Variants in CAMK1G observed in about 807,000 individuals in gnomAD.
CAMK1G encodes the protein calcium/calmodulin dependent protein kinase IG.
In CAMK1G, 27 loss-of-function variants were observed where a neutral mutation model predicts 54.8. The ratio of observed to expected loss-of-function variants is 0.49; its 90% CI spans 0.36 to 0.68. The LOEUF is 0.68. CAMK1G is among the 30% of genes least tolerant of loss of function. The pLI is 0.00. For missense variants in CAMK1G, 512 were observed against 591.0 expected, an observed-to-expected ratio of 0.87 and a Z score of 1.39; for synonymous variants, 238 against 224.9, an observed-to-expected ratio of 1.06 and a Z score of -0.52.
At chr1:209,596,665 A>T (rs1435620839) in intron 2 of CAMK1G, among the ~76,000 whole-genome samples, 3 of 17,918 alleles carry the variant, frequency 1.7e-4, no homozygotes, top group African/African-American at 9.1e-4. Context: ...CACACACCAC[A>T]CACACACACA....
chr1:209,603,038 T>A (rs1279173764), intron 3 of CAMK1G, among the ~76,000 whole-genome samples, 176 bp from the exon 4 acceptor site: 1 of 152,232 alleles, frequency 6.6e-6, no homozygotes, highest in Non-Finnish European at 1.5e-5. Flanking sequence ...TCCACAGGAA[T>A]CTTTTCTCTG....
At chr1:209,589,104 C>T (rs1665181931) in intron 1 of CAMK1G, among the ~76,000 whole-genome samples, 1 of 152,188 alleles carries the variant, frequency 6.6e-6, no homozygotes, top group Non-Finnish European at 1.5e-5. Context: ...TGTGGAGTTA[C>T]TTCCTATAGA....
intron 1 of CAMK1G, among the ~76,000 whole-genome samples, chr1:209,593,688 A>C (rs763313636): frequency 5.6e-5 from 6 of 107,024 alleles, no homozygotes; most frequent in Non-Finnish European, 1.2e-4. Context: ...GACTCCCAGA[A>C]TACATCCCAG....
chr1:209,601,154 G>A (rs1203235682), intron 3 of CAMK1G, among the ~76,000 whole-genome samples: 1 of 152,190 alleles, frequency 6.6e-6, no homozygotes, highest in African/African-American at 2.4e-5. Flanking sequence ...CACAGTGGAG[G>A]ATGGATTGGA....
intron 1 of CAMK1G, among the ~76,000 whole-genome samples, chr1:209,589,119 A>T (rs1029537824): frequency 7.9e-5 from 12 of 152,334 alleles, no homozygotes; most frequent in African/African-American, 2.9e-4. Flanking sequence ...TATAGAGGAG[A>T]TCAACCTCAA....
At chr1:209,590,891 T>C (rs1158804914) in intron 1 of CAMK1G, among the ~76,000 whole-genome samples, 2 of 152,154 alleles carry the variant, frequency 1.3e-5, no homozygotes, top group Non-Finnish European at 1.5e-5. Context: ...GTCAGCTAAA[T>C]GAGGCTCTTT....
intron 1 of CAMK1G, among the ~76,000 whole-genome samples, chr1:209,594,433 G>A (rs953121469): frequency 1.3e-5 from 2 of 152,206 alleles, no homozygotes; most frequent in Non-Finnish European, 1.5e-5. Context: ...TTAGATTTTC[G>A]TGAATAACTA....
intron 1 of CAMK1G, among the ~76,000 whole-genome samples, chr1:209,593,241 A>G (rs116008639): frequency 6.6e-6 from 1 of 152,368 alleles, no homozygotes; most frequent in East Asian, 1.9e-4. Flanking sequence ...ATTGTAGAGG[A>G]ACAAACTTTC....
At chr1:209,597,919 G>A (rs9430002) in intron 2 of CAMK1G, among the ~76,000 whole-genome samples, 41,208 of 152,040 alleles carry the variant, frequency 0.27, 6,343 homozygotes, top group Non-Finnish European at 0.34. Context: ...AACACTTATG[G>A]TCTTAATAGA....
intron 2 of CAMK1G, among the ~76,000 whole-genome samples, chr1:209,599,518 C>T (rs1665474854): frequency 6.6e-6 from 1 of 152,186 alleles, no homozygotes; most frequent in Non-Finnish European, 1.5e-5. Flanking sequence ...TGTGGACAGA[C>T]ATCATGAACC....
intron 2 of CAMK1G, among the ~76,000 whole-genome samples, chr1:209,599,712 A>G (rs1046411928): frequency 1.3e-5 from 2 of 152,186 alleles, no homozygotes; most frequent in Non-Finnish European, 2.9e-5. Context: ...CCCCTCCAGT[A>G]CAGGTTCCAG....
chr1:209,611,619 T>A, intron 10 of CAMK1G, 67 bp downstream of exon 10: 1 of 1,517,964 alleles, frequency 6.6e-7, no homozygotes, highest in South Asian at 1.1e-5. Context: ...TGGCAGGGGC[T>A]GACATAAGGG....
At chr1:209,597,677 T>C (rs1665423941) in intron 2 of CAMK1G, among the ~76,000 whole-genome samples, 2 of 152,196 alleles carry the variant, frequency 1.3e-5, no homozygotes, top group Non-Finnish European at 2.9e-5. Flanking sequence ...CAGTTCCAAG[T>C]GCAGCTGGGA....
chr1:209,600,355 G>A (rs566400475), intron 3 of CAMK1G, among the ~76,000 whole-genome samples: 1 of 151,802 alleles, frequency 6.6e-6, no homozygotes, highest in South Asian at 2.1e-4. Context: ...TGTGCACACA[G>A]GCTGGAGAGT....
intron 3 of CAMK1G, among the ~76,000 whole-genome samples, chr1:209,601,552 C>A: frequency 6.6e-6 from 1 of 152,110 alleles, no homozygotes; most frequent in Non-Finnish European, 1.5e-5. Context: ...GATATTAGGG[C>A]AAAGAAAGAC....
At position 209,607,943 on chromosome 1, in the gene CAMK1G, C is replaced by T. The variant is rs138384610; in HGVS notation, c.635+10C>T. 5.1e-4 allele frequency: 813 copies of T among 1,607,178 alleles called. 1 individual carries two copies. The African/African-American group carries it at 7.7e-3, about 15-fold the overall frequency. On this transcript the variant is annotated intron_variant, in intron 7 of 12. Transcript: ENST00000361322. ...TCATCACCTACATATTGTGAGTAGA[C>T]GCTGGCCTGGGTTCAGCTGATGAGA...
chr1:209,608,031 G>T (rs141955372), intron 7 of CAMK1G, 98 bp downstream of exon 7: 12 of 868,422 alleles, frequency 1.4e-5, no homozygotes, highest in Admixed American at 2.1e-5. Context: ...CTCCAAGCAC[G>T]TGCATGTGCA....
rs572365026 is a variant in CAMK1G at position 209,612,755 on chromosome 1, T to G, written c.1341-30T>G. 38 of 1,602,392 alleles carry G rather than the reference T, an allele frequency of 2.4e-5. No individual in the cohort carries two copies. In the African/African-American group the frequency reaches 4.9e-4, roughly 21 times the overall value. ...ATCGACTCTTCTTCCCTCAAATACT[T>G]CAAAGGTTGTTGCTTCATTTCCTTT... is the stretch of plus-strand genomic sequence containing the variant. On this transcript the variant is annotated intron_variant, in intron 11 of 12. Coordinates refer to ENST00000361322, the MANE Select transcript of CAMK1G (RefSeq NM_020439.3).
chr1:209,596,367 G>C (rs1207925378), intron 2 of CAMK1G, among the ~76,000 whole-genome samples: 2 of 152,170 alleles, frequency 1.3e-5, no homozygotes, highest in Admixed American at 6.5e-5. Context: ...GAGGAGAGGA[G>C]AGAAGGGAGC....
Sources: allele counts gnomAD v4.1 joint callset (sites outside exome capture counted in the v4.1 genomes callset), GRCh38; gene constraint gnomAD v4.1.1; transcripts MANE v1.5; gene names NCBI Gene and HGNC (gene_info 2026-07-23, HGNC 2026-07-21).